Variants in BBOX1 observed in about 807,000 individuals in gnomAD.
BBOX1 encodes gamma-butyrobetaine dioxygenase.
In BBOX1, 35 loss-of-function variants were observed where a neutral mutation model predicts 41.6. The ratio of observed to expected loss-of-function variants is 0.84; its 90% CI spans 0.64 to 1.11. BBOX1 has a LOEUF of 1.11. Ranked by LOEUF, BBOX1 falls within the 50% of genes most tolerant of loss-of-function variation. The pLI, the probability that BBOX1 is intolerant of heterozygous loss-of-function variation, is 0.00. For synonymous variants in BBOX1, 163 were observed against 154.7 expected, an observed-to-expected ratio of 1.05 and a Z score of -0.40; for missense variants, 458 against 460.6, an observed-to-expected ratio of 0.99 and a Z score of 0.05.
rs978954275 is a variant in BBOX1 at position 27,057,234 on chromosome 11, G to A, written c.253G>A (p.Glu85Lys). 6.2e-7 allele frequency: 1 copy of A among 1,611,194 alleles called. No individual in the cohort carries two copies. The change falls in exon 4 of 9, where the codon GAA becomes AAA. Residue 85 changes from glutamate (E) to lysine (K), a missense_variant. Coordinates refer to ENST00000263182, the MANE Select transcript of BBOX1 (RefSeq NM_003986.3). ...YITWPDEHYS[E>K]FQADWLKKRC... ...CACATGGCCCGATGAGCATTACAGT[G>A]AATTCCAGGCTGATTGGCTGAAGAA... is the stretch of plus-strand genomic sequence containing the variant.
chr11:27,120,321 C>T (rs1859418755), intron 7 of BBOX1, among the ~76,000 whole-genome samples: 1 of 152,140 alleles, frequency 6.6e-6, no homozygotes, highest in Admixed American at 6.5e-5. Flanking sequence ...AATCACACCA[C>T]AAACAATGCT....
rs1028444445 is a variant in BBOX1 at position 27,125,727 on chromosome 11, G to C, written c.910G>C (p.Val304Leu). 1.4e-5 allele frequency: 22 copies of C among 1,612,968 alleles called. No homozygotes were observed. Among genetic ancestry groups the C allele is most frequent in the Non-Finnish European group, 9.3e-6 (11 of 1,179,438 alleles). Residue 304 changes from valine to leucine, a missense_variant, in exon 8 of 9, where the codon GTT becomes CTT. Val to Leu is a conservative substitution (Grantham distance 32). Transcript: ENST00000263182. ...ATRDTIFDVP[V>L]ERVQPFYAAL... ...TAGGGACACAATATTTGATGTGCCTGTTGAAAGAGTTCAGCCTTTTTATGC... is the reference window on the plus strand; with the variant it reads ...TAGGGACACAATATTTGATGTGCCTCTTGAAAGAGTTCAGCCTTTTTATGC...
At chr11:27,103,077 C>G (rs1047337589) in intron 5 of BBOX1, among the ~76,000 whole-genome samples, 8 of 152,052 alleles carry the variant, frequency 5.3e-5, no homozygotes, top group Non-Finnish European at 1.5e-5. Context: ...ATAATTCCAG[C>G]TACTTGGGAG....
At chr11:27,105,509 TAAATG>T (rs1056118599) in intron 5 of BBOX1, among the ~76,000 whole-genome samples, 16 of 151,984 alleles carry the variant, frequency 1.1e-4, no homozygotes, top group African/African-American at 3.9e-4. Flanking sequence ...GAAGATCAAA[TAAATG>T]AAATGAAGTG....
chr11:27,110,266 C>A (rs1369586975), intron 5 of BBOX1, among the ~76,000 whole-genome samples: 1 of 151,978 alleles, frequency 6.6e-6, no homozygotes, highest in Non-Finnish European at 1.5e-5. Flanking sequence ...GTACCATCTA[C>A]CCCTTACTCA....
intron 4 of BBOX1, among the ~76,000 whole-genome samples, chr11:27,079,466 GA>G (rs1466957466): frequency 6.6e-6 from 1 of 151,996 alleles, no homozygotes; most frequent in African/African-American, 2.4e-5. Flanking sequence ...ACTTGAAAAA[GA>G]AAAATTCCAA....
At chr11:27,091,510 T>C (rs774898525) in intron 4 of BBOX1, among the ~76,000 whole-genome samples, 2 of 151,990 alleles carry the variant, frequency 1.3e-5, no homozygotes, top group Admixed American at 6.6e-5. Flanking sequence ...TTGTCTGTTA[T>C]TGATTTAACC....
At chr11:27,102,693 A>G (rs566229528) in intron 5 of BBOX1, among the ~76,000 whole-genome samples, 1 of 152,050 alleles carries the variant, frequency 6.6e-6, no homozygotes, top group Non-Finnish European at 1.5e-5. Flanking sequence ...GTATCTATTC[A>G]TTTTGGTTTT....
Position 27,093,292 on chromosome 11 carries a change from C to T in BBOX1, c.459C>T (p.Thr153=), listed in dbSNP as rs567079576. The T allele has an allele frequency of 4.8e-5, 78 of 1,612,490 alleles. No homozygotes were observed. The South Asian group carries it at 5.8e-4, about 12-fold the overall frequency. The change falls in exon 5 of 9, where the codon ACC becomes ACT. Residue 153 remains threonine, a synonymous_variant. Transcript: ENST00000263182. ...AGAAAGTAGGCATAGTAAGACTCAC[C>T]GGAGCATCTGACAAACCAGGAGAAG... ...TLKKVGIVRL[T]GASDKPGEVS... is the part of the protein sequence containing the mutation.
chr11:27,113,243 G>C (rs1040822045), intron 5 of BBOX1, among the ~76,000 whole-genome samples: 2 of 151,910 alleles, frequency 1.3e-5, no homozygotes, highest in African/African-American at 4.8e-5. Context: ...AAGCAGTTTG[G>C]CAATTTCTCA....
intron 6 of BBOX1, among the ~76,000 whole-genome samples, chr11:27,117,234 G>A (rs1207405482): frequency 6.6e-6 from 1 of 151,746 alleles, no homozygotes; most frequent in African/African-American, 2.4e-5. Flanking sequence ...AAGGAGAATG[G>A]GCCAAAATCA....
At position 27,115,439 on chromosome 11, in the gene BBOX1, T is replaced by C; in HGVS notation, c.534-13T>C. On this transcript the variant is annotated splice_polypyrimidine_tract_variant and intron_variant, in intron 5 of 8. Coordinates refer to ENST00000263182, the MANE Select transcript of BBOX1 (RefSeq NM_003986.3). ...GACAACCTGTTTAAACATGTGTTTC[T>C]TGCATTTTACAGACATACTTGGCAA... 6.2e-7 allele frequency: 1 copy of C among 1,601,968 alleles called. No individual in the cohort carries two copies. The highest frequency in any genetic ancestry group is 8.5e-7 in the Non-Finnish European group (1 of 1,173,114).
chr11:27,076,493 C>T (rs1857634932), intron 4 of BBOX1, among the ~76,000 whole-genome samples: 2 of 152,192 alleles, frequency 1.3e-5, no homozygotes, highest in African/African-American at 4.8e-5. Context: ...CTGTAATGGA[C>T]TGTGTCAGTT....
chr11:27,092,365 G>C (rs1370048976), intron 4 of BBOX1, among the ~76,000 whole-genome samples: 2 of 151,874 alleles, frequency 1.3e-5, no homozygotes, highest in Non-Finnish European at 2.9e-5. Context: ...GCTAGAGTCA[G>C]GCTTTTCCTG....
At chr11:27,127,174 A>C (rs1395295072) in intron 8 of BBOX1, 119 bp from the exon 9 acceptor site, 3 of 1,112,638 alleles carry the variant, frequency 2.7e-6, no homozygotes, top group Non-Finnish European at 2.6e-6. Flanking sequence ...CATGTAAAGA[A>C]ATAAGCGATG....
intron 4 of BBOX1, among the ~76,000 whole-genome samples, chr11:27,063,420 T>C (rs1233107534): frequency 6.6e-6 from 1 of 152,174 alleles, no homozygotes; most frequent in Non-Finnish European, 1.5e-5. Flanking sequence ...TAGTATGATA[T>C]ACATATGAAG....
chr11:27,044,348 G>T (rs1368168629), intron 2 of BBOX1, among the ~76,000 whole-genome samples: 1 of 152,120 alleles, frequency 6.6e-6, no homozygotes. Context: ...ACCTTTGTCA[G>T]ATGGATAGAT....
At chr11:27,112,583 T>TG (rs1199048276) in intron 5 of BBOX1, among the ~76,000 whole-genome samples, 2 of 152,008 alleles carry the variant, frequency 1.3e-5, no homozygotes, top group African/African-American at 4.8e-5. Context: ...TAAATGGTTC[T>TG]GGGATAACTG....
At chr11:27,066,290 A>G (rs1359516771) in intron 4 of BBOX1, among the ~76,000 whole-genome samples, 1 of 152,128 alleles carries the variant, frequency 6.6e-6, no homozygotes, top group Non-Finnish European at 1.5e-5. Flanking sequence ...CAGTTGGGCT[A>G]CAAGTTTAGA....
Sources: gnomAD v4.1 joint callset for allele counts (sites outside exome capture counted in the v4.1 genomes callset) on GRCh38, gnomAD v4.1.1 for gene constraint, MANE v1.5 for transcripts, NCBI Gene and HGNC (gene_info 2026-07-23, HGNC 2026-07-21) for gene names.